Variants in CDC14B observed in about 807,000 individuals in gnomAD.
CDC14B encodes cell division cycle 14B.
CDC14B carries 22 observed loss-of-function variants against 64.2 expected under a neutral mutation model. The observed-to-expected ratio is 0.34, with a 90% CI of 0.24 to 0.49. The LOEUF is 0.49. Ranked by LOEUF, CDC14B falls within the 20% of genes least tolerant of loss-of-function variation. CDC14B has a pLI of 0.99. For missense variants in CDC14B, 498 were observed against 629.9 expected (o/e 0.79, Z 2.24); for synonymous variants, 191 against 215.8 (o/e 0.89, Z 1.01).
intron 12 of CDC14B, among the ~76,000 whole-genome samples, chr9:96,516,718 C>T (rs1018376181): frequency 6.6e-6 from 1 of 152,074 alleles, no homozygotes; most frequent in African/African-American, 2.4e-5. Context: ...TCAGGTGATC[C>T]GCCTGCCTCA....
intron 1 of CDC14B, among the ~76,000 whole-genome samples, chr9:96,608,074 C>G (rs577983369): frequency 2.0e-5 from 3 of 152,212 alleles, no homozygotes; most frequent in Non-Finnish European, 4.4e-5. Context: ...AAACAGCTGG[C>G]GGCACCAGGT....
chr9:96,522,855 C>T (rs988345880), intron 11 of CDC14B, among the ~76,000 whole-genome samples: 7 of 152,156 alleles, frequency 4.6e-5, no homozygotes, highest in African/African-American at 7.2e-5. Context: ...AGTTTGAAAA[C>T]GCTCTTTTTA....
chr9:96,495,402 C>T (rs1365424401), downstream of CDC14B, among the ~76,000 whole-genome samples: 7 of 134,296 alleles, frequency 5.2e-5, no homozygotes, highest in Non-Finnish European at 9.7e-5. Flanking sequence ...CCCCCCCCCG[C>T]CCCCCGCCCC....
At chr9:96,528,475 T>C (rs185671816) in intron 9 of CDC14B, among the ~76,000 whole-genome samples, 37 of 151,942 alleles carry the variant, frequency 2.4e-4, no homozygotes, top group African/African-American at 6.8e-4. Context: ...TGAGCCAAGA[T>C]TGCACCACAG....
At chr9:96,520,707 C>T (rs908216838) in intron 12 of CDC14B, among the ~76,000 whole-genome samples, 1 of 152,150 alleles carries the variant, frequency 6.6e-6, no homozygotes, top group Admixed American at 6.5e-5. Context: ...ATCCCAGACA[C>T]AGCTAAAATC....
At chr9:96,517,428 G>A (rs539502096) in intron 12 of CDC14B, among the ~76,000 whole-genome samples, 52 of 147,684 alleles carry the variant, frequency 3.5e-4, no homozygotes, top group African/African-American at 9.2e-4. Context: ...TGAGGCGGGC[G>A]GATCACGAGG....
At chr9:96,513,384 T>C (rs1835178586) in intron 12 of CDC14B, among the ~76,000 whole-genome samples, 2 of 152,204 alleles carry the variant, frequency 1.3e-5, no homozygotes, top group South Asian at 4.1e-4. Context: ...ACGTGTTGCC[T>C]CTGTCACAGG....
chr9:96,525,169 G>T (rs1444103923), intron 9 of CDC14B, among the ~76,000 whole-genome samples: 1 of 152,102 alleles, frequency 6.6e-6, no homozygotes, highest in Non-Finnish European at 1.5e-5. Context: ...AGAGAGAAAA[G>T]TCAAGGGTGT....
intron 5 of CDC14B, among the ~76,000 whole-genome samples, chr9:96,549,447 A>G (rs947190645): frequency 2.0e-5 from 3 of 152,046 alleles, no homozygotes; most frequent in Admixed American, 6.6e-5. Context: ...CGGGCGGATC[A>G]TGAGGTCAAG....
intron 9 of CDC14B, among the ~76,000 whole-genome samples, chr9:96,530,313 GAC>G (rs1422438644): frequency 1.3e-5 from 2 of 148,394 alleles, no homozygotes; most frequent in Non-Finnish European, 3.0e-5. Context: ...TTTTTTTGGA[GAC>G]AGAGTCTTGC....
chr9:96,600,256 A>ATT (rs908328940), intron 1 of CDC14B, among the ~76,000 whole-genome samples: 7 of 150,480 alleles, frequency 4.7e-5, no homozygotes, highest in African/African-American at 1.5e-4. Context: ...ATATATATAT[A>ATT]TTTTATGCAA....
At chr9:96,546,082 T>C (rs73542472) in intron 5 of CDC14B, among the ~76,000 whole-genome samples, 2,565 of 152,270 alleles carry the variant, frequency 0.017, 72 homozygotes, top group African/African-American at 0.059. Flanking sequence ...CAATGTCAAA[T>C]ACTAGTTTTA....
intron 1 of CDC14B, among the ~76,000 whole-genome samples, chr9:96,573,646 G>A (rs777076523): frequency 1.3e-4 from 19 of 151,886 alleles, no homozygotes; most frequent in Non-Finnish European, 1.9e-4. Flanking sequence ...TGCTAATAAA[G>A]GAATTAAATG....
chr9:96,537,362 G>T (rs1367200577), intron 7 of CDC14B, among the ~76,000 whole-genome samples: 1 of 152,152 alleles, frequency 6.6e-6, no homozygotes, highest in East Asian at 1.9e-4. Context: ...CGGCTGGTTT[G>T]ATGGGGCTGA....
intron 1 of CDC14B, among the ~76,000 whole-genome samples, chr9:96,612,634 A>G (rs1388395762): frequency 1.3e-5 from 2 of 152,188 alleles, no homozygotes; most frequent in Admixed American, 1.3e-4. Flanking sequence ...CTCTTTGATT[A>G]AAGTTTTTCT....
chr9:96,597,437 T>C (rs1272790396), intron 1 of CDC14B, among the ~76,000 whole-genome samples: 1 of 149,508 alleles, frequency 6.7e-6, no homozygotes, highest in African/African-American at 2.5e-5. Context: ...GAGGTTGCAG[T>C]GAGCCGAGAT....
In CDC14B at chr9:96,515,863, T is replaced by C. The variant is rs1835581422; in HGVS notation, c.1344-6074A>G. 2.1e-6 allele frequency: 3 copies of C among 1,422,980 alleles called. No individual in the cohort carries two copies. The highest frequency in any genetic ancestry group is 2.8e-6 in the Non-Finnish European group (3 of 1,053,162). 88.1% of individuals were successfully genotyped at this position (1,422,980 alleles called of 1,614,324 possible). A position where few individuals can be genotyped will look rare whatever the true frequency, so the allele number is the denominator to read the frequency against. ...CCAAAATAAATTACGCAATCATCAA[T>C]CAATCAAGCCATATGTGAATTTTAG... On this transcript the variant is annotated intron_variant, in intron 12 of 13. Transcript: ENST00000375241. This position sits in a 1 kb window ranked among gnomAD's most constrained non-coding sequence, Gnocchi z 4.3.
At chr9:96,612,815 G>A (rs1847405111) in intron 1 of CDC14B, among the ~76,000 whole-genome samples, 1 of 152,210 alleles carries the variant, frequency 6.6e-6, no homozygotes, top group Non-Finnish European at 1.5e-5. Context: ...AGAAAGCTTG[G>A]CAGAGTAGGT....
intron 12 of CDC14B, chr9:96,514,594 GT>G: frequency 2.0e-6 from 2 of 985,418 alleles, no homozygotes; most frequent in Non-Finnish European, 2.4e-6. Flanking sequence ...AAGTACCAGA[GT>G]TGGTTGCAAT....
Sources: allele counts gnomAD v4.1 joint callset (sites outside exome capture counted in the v4.1 genomes callset), GRCh38; gene constraint gnomAD v4.1.1; non-coding constraint Gnocchi (gnomAD v3.1); transcripts MANE v1.5; gene names NCBI Gene and HGNC (gene_info 2026-07-23, HGNC 2026-07-21).